RORA: variants seen among roughly 807,000 people sequenced by gnomAD.
The protein encoded by RORA is RAR related orphan receptor A.
A neutral mutation model predicts 69.5 loss-of-function variants in RORA; 7 were observed. The observed-to-expected ratio is 0.10, with a 90% CI of 0.06 to 0.19. The LOEUF (loss-of-function observed/expected upper bound fraction) is 0.19. Ranked by LOEUF, RORA falls within the 10% of genes least tolerant of loss-of-function variation. The probability of loss-of-function intolerance (pLI) is 1.00; values close to 1 mark genes in which losing one functional copy is unlikely to be tolerated. For synonymous variants in RORA, 261 were observed against 240.8 expected, an observed-to-expected ratio of 1.08 and a Z score of -0.78; for missense variants, 457 against 663.0, an observed-to-expected ratio of 0.69 and a Z score of 3.41.
At chr15:60,959,115 T>C (rs574349224) in intron 1 of RORA, among the ~76,000 whole-genome samples, 22 of 152,362 alleles carry the variant, frequency 1.4e-4, no homozygotes, top group African/African-American at 5.1e-4. Context: ...AAGCTAGAAC[T>C]ACCAGCTTGC....
chr15:60,797,780 C>T (rs536328682), intron 1 of RORA, among the ~76,000 whole-genome samples: 7 of 152,136 alleles, frequency 4.6e-5, no homozygotes, highest in African/African-American at 1.7e-4. Flanking sequence ...ATGGGCTCAT[C>T]GAGCAATTGC....
At chr15:60,635,168 C>A (rs1596083674) in intron 2 of RORA, among the ~76,000 whole-genome samples, 1 of 152,206 alleles carries the variant, frequency 6.6e-6, no homozygotes, top group Non-Finnish European at 1.5e-5. Context: ...ATGCAAATGA[C>A]GGTGGCCCTC....
chr15:61,024,102 C>A (rs1490646216), intron 1 of RORA, among the ~76,000 whole-genome samples: 2 of 151,974 alleles, frequency 1.3e-5, no homozygotes, highest in African/African-American at 4.8e-5. Flanking sequence ...TGCACAACAC[C>A]AAGAGAGAGA....
chr15:60,677,033 T>C, intron 2 of RORA: 1 of 366,112 alleles, frequency 2.7e-6, no homozygotes, highest in Non-Finnish European at 5.7e-6. Context: ...TAGCTTTCTG[T>C]ACATTGCCAG....
intron 1 of RORA, among the ~76,000 whole-genome samples, chr15:60,832,344 C>T (rs147823642): frequency 1.4e-3 from 215 of 152,260 alleles, no homozygotes; most frequent in African/African-American, 4.8e-3. Flanking sequence ...CTGGGAAATC[C>T]GGTAGTCTGG....
chr15:60,922,027 C>T (rs1021789262), intron 1 of RORA, among the ~76,000 whole-genome samples: 2 of 152,172 alleles, frequency 1.3e-5, no homozygotes, highest in Non-Finnish European at 2.9e-5. Flanking sequence ...GTTTTATCTG[C>T]ATCTGTCTCC....
chr15:61,177,647 T>A (rs1286647826), intron 1 of RORA, among the ~76,000 whole-genome samples: 1 of 151,524 alleles, frequency 6.6e-6, no homozygotes, highest in African/African-American at 2.4e-5. Context: ...AAAATAAAAA[T>A]AAAAAACAAG....
intron 1 of RORA, among the ~76,000 whole-genome samples, chr15:60,943,240 G>A (rs935324003): frequency 2.0e-5 from 3 of 152,126 alleles, no homozygotes; most frequent in African/African-American, 7.2e-5. Context: ...AGACTGCCAG[G>A]TTCTGCAGGA....
At chr15:60,594,367 C>T (rs186818689) in intron 2 of RORA, among the ~76,000 whole-genome samples, 9 of 152,334 alleles carry the variant, frequency 5.9e-5, no homozygotes, top group African/African-American at 1.9e-4. Flanking sequence ...TAATGCCAAG[C>T]TATCCTATAA....
chr15:61,038,229 T>C (rs2140462275), intron 1 of RORA, among the ~76,000 whole-genome samples: 1 of 152,338 alleles, frequency 6.6e-6, no homozygotes, highest in East Asian at 1.9e-4. Context: ...AGCGCAAGTC[T>C]GGGAAGGCCC....
intron 1 of RORA, among the ~76,000 whole-genome samples, chr15:60,974,548 T>G (rs1566930039): frequency 6.6e-6 from 1 of 152,240 alleles, no homozygotes; most frequent in Non-Finnish European, 1.5e-5. Flanking sequence ...TTGTGGCTCC[T>G]AAGTTATCAG....
chr15:60,925,664 T>C (rs1892194676), intron 1 of RORA, among the ~76,000 whole-genome samples: 1 of 152,222 alleles, frequency 6.6e-6, no homozygotes, highest in African/African-American at 2.4e-5. Context: ...AGACCGGCCA[T>C]TGGCGGCTGA....
chr15:61,034,833 A>G (rs1726050403), intron 1 of RORA, among the ~76,000 whole-genome samples: 1 of 151,090 alleles, frequency 6.6e-6, no homozygotes, highest in South Asian at 2.1e-4. Context: ...AAGTAGTGTT[A>G]CATACTTGAA....
At chr15:60,995,042 C>T (rs772837014) in intron 1 of RORA, among the ~76,000 whole-genome samples, 29 of 151,604 alleles carry the variant, frequency 1.9e-4, no homozygotes, top group Non-Finnish European at 3.8e-4. Context: ...ATGGCTCTCG[C>T]CGCATAAAGG....
At chr15:60,578,621 G>C (rs1189084060) in intron 2 of RORA, among the ~76,000 whole-genome samples, 1 of 151,960 alleles carries the variant, frequency 6.6e-6, no homozygotes, top group Admixed American at 6.6e-5. Flanking sequence ...AGACAAACAT[G>C]GTACTTAGTA....
Position 60,963,759 on chromosome 15 carries a change from A to T in RORA, c.166+265294T>A, listed in dbSNP as rs573089786. On this transcript the variant is annotated intron_variant, in intron 1 of 10. Coordinates refer to ENST00000335670, the MANE Select transcript of RORA (RefSeq NM_134261.3). ...TAGCTCTGCTAGCACATTCCAGGAG[A>T]CTCTGGCAGACAGGTGTGGATTTCA... Among the ~76,000 whole-genome samples the T allele has an allele frequency of 2.6e-5, 4 of 152,230 alleles. No homozygotes were observed. In the East Asian group the frequency reaches 7.7e-4, roughly 29 times the overall value.
At chr15:61,145,052 CTTTT>C (rs757968300) in intron 1 of RORA, among the ~76,000 whole-genome samples, 2 of 151,972 alleles carry the variant, frequency 1.3e-5, no homozygotes, top group African/African-American at 4.8e-5. Context: ...TAAAAGAAGC[CTTTT>C]TTTGTTTCCA....
intron 1 of RORA, among the ~76,000 whole-genome samples, chr15:60,775,215 G>C (rs924236481): frequency 1.3e-5 from 2 of 152,058 alleles, no homozygotes; most frequent in African/African-American, 2.4e-5. Flanking sequence ...ATGTTATTCT[G>C]GTCCAAGCTG....
At chr15:60,633,378 C>T (rs989400374) in intron 2 of RORA, among the ~76,000 whole-genome samples, 1 of 152,206 alleles carries the variant, frequency 6.6e-6, no homozygotes, top group African/African-American at 2.4e-5. Context: ...TGATTTTTCT[C>T]AAACCACAAA....
Sources: allele counts gnomAD v4.1 joint callset (sites outside exome capture counted in the v4.1 genomes callset), GRCh38; gene constraint gnomAD v4.1.1; transcripts MANE v1.5; gene names NCBI Gene and HGNC (gene_info 2026-07-23, HGNC 2026-07-21).